The following TGFB2 variants were observed in gnomAD, a reference collection of about 807,000 sequenced individuals.
TGFB2 encodes the protein transforming growth factor beta-2 proprotein.
TGFB2 carries 13 observed loss-of-function variants against 42.7 expected under a neutral mutation model. That is an observed-to-expected ratio of 0.30 (90% CI 0.20 to 0.48). TGFB2 has a LOEUF of 0.48. TGFB2 is among the 20% of genes least tolerant of loss of function. TGFB2 has a pLI of 0.99. For missense variants in TGFB2, 390 were observed against 517.5 expected, an observed-to-expected ratio of 0.75 and a Z score of 2.39; for synonymous variants, 193 against 193.6, an observed-to-expected ratio of 1.00 and a Z score of 0.03.
intron 2 of TGFB2, among the ~76,000 whole-genome samples, chr1:218,432,844 T>A (rs1034780810): frequency 1.3e-5 from 2 of 152,120 alleles, no homozygotes; most frequent in East Asian, 3.9e-4. Context: ...AAATGACAGC[T>A]TGAACCCCTA....
intron 1 of TGFB2, among the ~76,000 whole-genome samples, chr1:218,354,461 A>G (rs1656966873): frequency 6.6e-6 from 1 of 152,248 alleles, no homozygotes; most frequent in African/African-American, 2.4e-5. Context: ...CAGGCCAAGC[A>G]TAGCTAACCT....
intron 1 of TGFB2, among the ~76,000 whole-genome samples, chr1:218,368,946 G>A (rs1657479128): frequency 6.6e-6 from 1 of 152,024 alleles, no homozygotes; most frequent in Non-Finnish European, 1.5e-5. Flanking sequence ...TAGCCAGAGG[G>A]CCGTGTAGCT....
At chr1:218,394,313 G>A (rs1284077363) in intron 1 of TGFB2, among the ~76,000 whole-genome samples, 2 of 152,132 alleles carry the variant, frequency 1.3e-5, no homozygotes, top group Non-Finnish European at 2.9e-5. Context: ...ACAACCCTGA[G>A]CCTGATGAGG....
chr1:218,382,151 A>G (rs1159940461), intron 1 of TGFB2, among the ~76,000 whole-genome samples: 1 of 152,126 alleles, frequency 6.6e-6, no homozygotes, highest in East Asian at 1.9e-4. Context: ...ATTAAGCTAT[A>G]GCATTGGAAA....
At position 218,432,510 on chromosome 1, in the gene TGFB2, G is replaced by A. The variant is rs538395718; in HGVS notation, c.511-1572G>A. On this transcript the variant is annotated intron_variant, in intron 2 of 6. Transcript: ENST00000366930. ...ATCCAGAAAAAAGTCTACCATTATG[G>A]CAAGTATTTTAGGAAGCGTCTGTTG... 2.6e-5 allele frequency among the ~76,000 whole-genome samples: 4 copies of A among 152,200 alleles called. No homozygotes were observed. In the East Asian group the frequency reaches 7.7e-4, roughly 29 times the overall value.
chr1:218,363,478 T>A (rs1356832702), intron 1 of TGFB2: 2 of 1,516,772 alleles, frequency 1.3e-6, no homozygotes, highest in Non-Finnish European at 1.8e-6. Context: ...CCATCTTTAG[T>A]GTTTGTCTCC....
intron 2 of TGFB2, among the ~76,000 whole-genome samples, chr1:218,429,076 G>A (rs1215158262): frequency 6.6e-6 from 1 of 150,826 alleles, no homozygotes; most frequent in African/African-American, 2.5e-5. Flanking sequence ...CGCCTCCTGG[G>A]CTCAAGCAAT....
At chr1:218,427,223 CT>C (rs1163858922) in intron 2 of TGFB2, among the ~76,000 whole-genome samples, 1 of 152,014 alleles carries the variant, frequency 6.6e-6, no homozygotes, top group East Asian at 1.9e-4. Flanking sequence ...ATTTCTAGAA[CT>C]TTTTTTATCG....
chr1:218,404,203 C>G (rs974401422), intron 1 of TGFB2, among the ~76,000 whole-genome samples: 11 of 152,156 alleles, frequency 7.2e-5, no homozygotes, highest in Admixed American at 6.5e-4. Flanking sequence ...GCCTCCGCCC[C>G]CGGGGTTCAA....
At chr1:218,353,757 G>A (rs1427470447) in intron 1 of TGFB2, among the ~76,000 whole-genome samples, 1 of 152,116 alleles carries the variant, frequency 6.6e-6, no homozygotes, top group Non-Finnish European at 1.5e-5. Flanking sequence ...GGGCCTGGTG[G>A]TATGTGCCTG....
chr1:218,370,853 A>G (rs980160457), intron 1 of TGFB2, among the ~76,000 whole-genome samples: 2 of 152,170 alleles, frequency 1.3e-5, no homozygotes, highest in African/African-American at 4.8e-5. Flanking sequence ...ATGGCCACAC[A>G]TGATTTCAGT....
intron 1 of TGFB2, 66 bp from the exon 2 acceptor site, chr1:218,405,103 G>A (rs1459224670): frequency 1.1e-5 from 16 of 1,489,314 alleles, no homozygotes; most frequent in African/African-American, 2.8e-5. Context: ...ATTATCTCAC[G>A]CTACAGTCTT....
rs535186460 is a variant in TGFB2 at position 218,441,756 on chromosome 1, C to T, written c.*394C>T. 1.3e-4 allele frequency: 21 copies of T among 160,674 alleles called. No homozygotes were observed. In the South Asian group the frequency reaches 3.1e-3, roughly 24 times the overall value. 10.0% of individuals were successfully genotyped at this position (160,674 alleles called of 1,614,324 possible). ...TGCTGTACGTACCGTTCCTATCCCG[C>T]GCCTCACTTGATTTTTCTGTATTGC... is the stretch of plus-strand genomic sequence containing the variant. On this transcript the variant is annotated 3_prime_UTR_variant, in exon 7 of 7. Transcript: ENST00000366930.
intron 1 of TGFB2, among the ~76,000 whole-genome samples, chr1:218,389,069 C>A (rs1037207162): frequency 6.6e-6 from 1 of 152,026 alleles, no homozygotes; most frequent in Admixed American, 6.6e-5. Context: ...TCACTTACAT[C>A]GAATCATTTG....
intron 2 of TGFB2, among the ~76,000 whole-genome samples, chr1:218,413,083 GC>G (rs1309295888): frequency 6.6e-6 from 1 of 152,128 alleles, no homozygotes; most frequent in East Asian, 1.9e-4. Context: ...TAAAAACTAG[GC>G]CCAGAGGCTG....
chr1:218,436,130 T>C lies in TGFB2; in HGVS notation c.915T>C (p.Asp305=). The C allele has an allele frequency of 6.2e-7, 1 of 1,609,656 alleles. No individual in the cohort carries two copies. The highest frequency in any genetic ancestry group is 8.5e-7 in the Non-Finnish European group (1 of 1,178,824). The change falls in exon 5 of 7, where the codon GAT becomes GAC. Residue 305 remains aspartate, a synonymous_variant. Transcript: ENST00000366930. ...ACCGGCGGAAGAAGCGTGCTTTGGATGCGGCCTATTGCTTTAGGTAAAGGA... is the reference window on the plus strand; with the variant it reads ...ACCGGCGGAAGAAGCGTGCTTTGGACGCGGCCTATTGCTTTAGGTAAAGGA... The part of the protein sequence containing the change: ...QTNRRKKRAL[D]AAYCFRNVQD...
chr1:218,353,922 G>T (rs981217333), intron 1 of TGFB2, among the ~76,000 whole-genome samples: 6 of 152,038 alleles, frequency 3.9e-5, no homozygotes, highest in Non-Finnish European at 7.4e-5. Flanking sequence ...AATATTTCTG[G>T]GCTTAGTCAG....
chr1:218,428,057 T>C (rs1054706488), intron 2 of TGFB2, among the ~76,000 whole-genome samples: 2 of 152,200 alleles, frequency 1.3e-5, no homozygotes, highest in African/African-American at 4.8e-5. Context: ...CTCATTGTGG[T>C]TTTGATTTGC....
intron 1 of TGFB2, among the ~76,000 whole-genome samples, chr1:218,357,795 A>G (rs528234136): frequency 6.6e-6 from 1 of 152,196 alleles, no homozygotes; most frequent in South Asian, 2.1e-4. Context: ...CTTCCAAGCT[A>G]TCTATATGTC....
Sources: allele counts gnomAD v4.1 joint callset (sites outside exome capture counted in the v4.1 genomes callset), GRCh38; gene constraint gnomAD v4.1.1; transcripts MANE v1.5; gene names NCBI Gene and HGNC (gene_info 2026-07-23, HGNC 2026-07-21).